Variants in NTM observed in about 807,000 individuals in gnomAD.
NTM encodes the protein IgLON family member 2.
Under a neutral mutation model 42.1 loss-of-function variants are expected in NTM, and 13 were observed. The ratio of observed to expected loss-of-function variants is 0.31; its 90% CI spans 0.20 to 0.49. The LOEUF is 0.49. NTM is among the 20% of genes least tolerant of loss of function. NTM has a pLI of 0.99. For synonymous variants in NTM, 187 were observed against 179.2 expected (o/e 1.04, Z -0.35); for missense variants, 373 against 452.8 (o/e 0.82, Z 1.60).
At chr11:131,639,036 TGA>T (rs1160685777) in intron 1 of NTM, among the ~76,000 whole-genome samples, 1 of 152,242 alleles carries the variant, frequency 6.6e-6, no homozygotes, top group Non-Finnish European at 1.5e-5. Flanking sequence ...ATGAGAATAC[TGA>T]GACACAGAGA....
At chr11:131,558,425 G>T (rs1480033292) in intron 1 of NTM, among the ~76,000 whole-genome samples, 4 of 152,100 alleles carry the variant, frequency 2.6e-5, no homozygotes, top group Admixed American at 1.3e-4. Context: ...AATCCTCAGG[G>T]TTTTATATAA....
rs113633102 is a variant in NTM, at chr11:131,609,306, A to G, written c.82+238418A>G. ...TTGCTTGAGATGGTGTGCTGTTTGC[A>G]TTGTTACGCCTGGCTTAATGATAAA... On this transcript the variant is annotated intron_variant, in intron 1 of 8. Coordinates refer to ENST00000683400, the MANE Select transcript of NTM (RefSeq NM_001352005.2). Among the ~76,000 whole-genome samples, 144 of 152,328 alleles carry G rather than the reference A, an allele frequency of 9.5e-4. 2 individuals are homozygous for G. Among genetic ancestry groups the G allele is most frequent in the African/African-American group, 3.4e-3 (141 of 41,578 alleles).
At chr11:132,008,107 G>A (rs2071226189) in intron 2 of NTM, among the ~76,000 whole-genome samples, 1 of 152,188 alleles carries the variant, frequency 6.6e-6, no homozygotes, top group South Asian at 2.1e-4. Context: ...GCAAGAGGGG[G>A]CACAGTGTGA....
Position 132,330,152 on chromosome 11 carries a change from G to T in NTM, c.935-1G>T, listed in dbSNP as rs1212872575. 1.9e-6 allele frequency: 3 copies of T among 1,551,602 alleles called. No homozygotes were observed. The highest frequency in any genetic ancestry group is 2.6e-6 in the Non-Finnish European group (3 of 1,146,946). On this transcript the variant is annotated splice_acceptor_variant, in intron 7 of 8. Transcript: ENST00000683400. LOFTEE classifies it high-confidence loss of function. ...AGTGGCTTGTTTTTAATTTCTTTTA[G>T]AAGTGAAAACTACAGCCCTGACCCC...
At chr11:131,560,241 A>G (rs1028683382) in intron 1 of NTM, among the ~76,000 whole-genome samples, 1 of 152,182 alleles carries the variant, frequency 6.6e-6, no homozygotes, top group African/African-American at 2.4e-5. Context: ...ACGGAAGGCT[A>G]GGAGGTTTTC....
At chr11:132,028,707 G>A (rs2075524625) in intron 2 of NTM, among the ~76,000 whole-genome samples, 1 of 152,162 alleles carries the variant, frequency 6.6e-6, no homozygotes, top group Admixed American at 6.5e-5. Context: ...AGAAGGGGCT[G>A]CAGTTGGGTA....
chr11:131,796,200 G>A, intron 1 of NTM: 1 of 982,608 alleles, frequency 1.0e-6, no homozygotes, highest in Non-Finnish European at 1.2e-6. Context: ...AAAGGTTAAG[G>A]TGGTCAGAAA....
chr11:131,481,268 C>T (rs891051517), intron 1 of NTM, among the ~76,000 whole-genome samples: 2 of 152,186 alleles, frequency 1.3e-5, no homozygotes, highest in East Asian at 1.9e-4. Flanking sequence ...ATATCGAACG[C>T]ACTTGGAAAA....
intron 4 of NTM, among the ~76,000 whole-genome samples, chr11:132,236,754 C>T (rs561981471): frequency 5.9e-5 from 9 of 152,304 alleles, no homozygotes; most frequent in South Asian, 2.1e-4. Flanking sequence ...GAATTCTTTG[C>T]GCCACTCTCA....
chr11:131,525,409 G>A (rs567027755), intron 1 of NTM, among the ~76,000 whole-genome samples: 181 of 152,360 alleles, frequency 1.2e-3, no homozygotes, highest in African/African-American at 4.1e-3. Context: ...GGCGAGACAA[G>A]GGAAGTGGTT....
intron 1 of NTM, among the ~76,000 whole-genome samples, chr11:131,400,321 T>A (rs1335949178): frequency 2.6e-5 from 4 of 152,212 alleles, no homozygotes; most frequent in African/African-American, 9.6e-5. Flanking sequence ...CTGGGGCTTT[T>A]ATCCCTTGTG....
chr11:132,255,143 C>G (rs1383432133), intron 4 of NTM, among the ~76,000 whole-genome samples: 1 of 152,164 alleles, frequency 6.6e-6, no homozygotes, highest in Non-Finnish European at 1.5e-5. Context: ...AGTGGAGACA[C>G]AAGAAGTGTG....
chr11:131,813,324 G>A (rs537438231), intron 1 of NTM, among the ~76,000 whole-genome samples: 1 of 152,220 alleles, frequency 6.6e-6, no homozygotes. Flanking sequence ...AACATATCTA[G>A]TAAGAACCTA....
chr11:131,622,869 C>T (rs1225304670), intron 1 of NTM, among the ~76,000 whole-genome samples: 1 of 152,164 alleles, frequency 6.6e-6, no homozygotes, highest in East Asian at 1.9e-4. Flanking sequence ...CATCTGCCAA[C>T]ATCATGATTT....
At chr11:131,464,386 G>A (rs1049363217) in intron 1 of NTM, among the ~76,000 whole-genome samples, 2 of 152,060 alleles carry the variant, frequency 1.3e-5, no homozygotes, top group Admixed American at 1.3e-4. Flanking sequence ...CAAGGGAAAG[G>A]GGGCCCCGTC....
chr11:131,450,871 T>A (rs1042290581), intron 1 of NTM, among the ~76,000 whole-genome samples: 1 of 152,192 alleles, frequency 6.6e-6, no homozygotes, highest in Non-Finnish European at 1.5e-5. Context: ...TTATGAATCG[T>A]AGTAGATGCC....
At chr11:131,383,335 G>A (rs1194633308) in intron 1 of NTM, among the ~76,000 whole-genome samples, 5 of 152,224 alleles carry the variant, frequency 3.3e-5, no homozygotes, top group Non-Finnish European at 1.5e-5. Flanking sequence ...CAGTTAGATA[G>A]ACAAGTGACT....
At chr11:131,642,907 A>G (rs1306180994) in intron 1 of NTM, among the ~76,000 whole-genome samples, 1 of 152,212 alleles carries the variant, frequency 6.6e-6, no homozygotes, top group Non-Finnish European at 1.5e-5. Flanking sequence ...CCAAAACGTG[A>G]AGCCTTAATA....
chr11:131,764,781 C>G (rs997735177), intron 1 of NTM, among the ~76,000 whole-genome samples: 1 of 152,106 alleles, frequency 6.6e-6, no homozygotes, highest in African/African-American at 2.4e-5. Context: ...GAAGTTGCTC[C>G]TTCCTATAAA....
Sources: gnomAD v4.1 joint callset for allele counts (sites outside exome capture counted in the v4.1 genomes callset) on GRCh38, gnomAD v4.1.1 for gene constraint, MANE v1.5 for transcripts, NCBI Gene and HGNC (gene_info 2026-07-23, HGNC 2026-07-21) for gene names.